The following GLIS3 variants were observed in gnomAD, a reference collection of about 807,000 sequenced individuals.
GLIS3 encodes the protein GLIS family zinc finger 3.
Under a neutral mutation model 78.6 loss-of-function variants are expected in GLIS3, and 53 were observed. That is an observed-to-expected ratio of 0.67 (90% CI 0.54 to 0.85). The LOEUF (loss-of-function observed/expected upper bound fraction) is 0.85, where lower values mean the gene tolerates loss of function less well. GLIS3 is among the 40% of genes least tolerant of loss of function. The probability of loss-of-function intolerance (pLI) is 0.00; values close to 1 mark genes in which losing one functional copy is unlikely to be tolerated. For synonymous variants in GLIS3, 684 were observed against 509.9 expected, an observed-to-expected ratio of 1.34 and a Z score of -4.60; for missense variants, 1,703 against 1,231.1, an observed-to-expected ratio of 1.38 and a Z score of -5.74.
the GLIS3 span, among the ~76,000 whole-genome samples, chr9:4,407,841 G>A: frequency 6.6e-6 from 1 of 151,968 alleles, no homozygotes; most frequent in African/African-American, 2.4e-5. Flanking sequence ...CGCAGAATGA[G>A]AGAAAGTATT....
chr9:3,949,145 A>C (rs1816499914), intron 4 of GLIS3, among the ~76,000 whole-genome samples: 1 of 152,238 alleles, frequency 6.6e-6, no homozygotes, highest in Non-Finnish European at 1.5e-5. Context: ...GAAAAAGAAC[A>C]TGTCTCAGAA....
Position 3,898,792 on chromosome 9 carries a change from C to A in GLIS3, c.2027G>T (p.Cys676Phe), listed in dbSNP as rs149983395. Residue 676 changes from cysteine to phenylalanine, a missense_variant, in exon 7 of 11, where the codon TGC becomes TTC. By Grantham distance (205) the Cys-to-Phe change is radical. Coordinates refer to ENST00000381971, the MANE Select transcript of GLIS3 (RefSeq NM_001042413.2). ...TELHPDLLTD[C>F]LTVQSLQPAT... ...CGGCTGCAGGGACTGCACGGTGAGG[C>A]AATCTGTGAGCAGGTCTGGATGGAG... The A allele has an allele frequency of 2.7e-4, 436 of 1,614,152 alleles. No individual in the cohort carries two copies. Among genetic ancestry groups the A allele is most frequent in the Non-Finnish European group, 3.6e-4 (422 of 1,180,032 alleles).
At chr9:4,019,783 A>G (rs901062024) in intron 4 of GLIS3, among the ~76,000 whole-genome samples, 2 of 152,100 alleles carry the variant, frequency 1.3e-5, no homozygotes, top group African/African-American at 4.8e-5. Flanking sequence ...CCCAGGCTAG[A>G]GTGCAGTGGG....
At chr9:3,839,034 T>C (rs1190950813) in intron 9 of GLIS3, among the ~76,000 whole-genome samples, 3 of 152,218 alleles carry the variant, frequency 2.0e-5, no homozygotes, top group African/African-American at 7.2e-5. Flanking sequence ...GCCCAGGGAA[T>C]CATACACTCA....
chr9:4,044,705 ACTGCT>A (rs1390442625), intron 4 of GLIS3, among the ~76,000 whole-genome samples: 1 of 152,174 alleles, frequency 6.6e-6, no homozygotes, highest in African/African-American at 2.4e-5. Context: ...ACTGAGGGTG[ACTGCT>A]CACAGTACTG....
At chr9:4,408,970 A>C in the GLIS3 span, among the ~76,000 whole-genome samples, 2 of 151,700 alleles carry the variant, frequency 1.3e-5, no homozygotes, top group African/African-American at 4.9e-5. Context: ...ACATACACCC[A>C]CTATGTACCC....
intron 7 of GLIS3, among the ~76,000 whole-genome samples, chr9:3,891,629 G>A (rs1019724381): frequency 3.9e-5 from 6 of 152,148 alleles, no homozygotes; most frequent in Non-Finnish European, 1.5e-5. Flanking sequence ...TTGAGCCCAG[G>A]GGTTCAAGGT....
At chr9:4,082,804 A>G (rs371301001) in intron 4 of GLIS3, among the ~76,000 whole-genome samples, 5 of 152,358 alleles carry the variant, frequency 3.3e-5, no homozygotes, top group African/African-American at 1.2e-4. Flanking sequence ...GACATACTAA[A>G]GTAGTTCTAA....
chr9:4,188,673 A>G (rs1398302332), intron 2 of GLIS3, among the ~76,000 whole-genome samples: 5 of 152,110 alleles, frequency 3.3e-5, no homozygotes, highest in African/African-American at 1.2e-4. Flanking sequence ...TCAATTTCAG[A>G]GCCTGTTATT....
intron 2 of GLIS3, among the ~76,000 whole-genome samples, chr9:4,176,807 A>C (rs1324409873): frequency 6.6e-6 from 1 of 152,208 alleles, no homozygotes; most frequent in Non-Finnish European, 1.5e-5. Context: ...TATTTTTAGT[A>C]GACATGGGGT....
intron 8 of GLIS3, among the ~76,000 whole-genome samples, chr9:3,872,645 T>C (rs59730064): frequency 6.6e-6 from 1 of 152,084 alleles, no homozygotes; most frequent in Admixed American, 6.6e-5. Flanking sequence ...ACCATCCCGA[T>C]GATTCAATTA....
At chr9:4,400,449 C>T in the GLIS3 span, among the ~76,000 whole-genome samples, 3 of 152,194 alleles carry the variant, frequency 2.0e-5, no homozygotes, top group South Asian at 2.1e-4. Context: ...GATTATGAGA[C>T]ATGAGTTATG....
At chr9:4,275,933 T>C (rs775798184) in intron 2 of GLIS3, among the ~76,000 whole-genome samples, 1 of 152,150 alleles carries the variant, frequency 6.6e-6, no homozygotes, top group Non-Finnish European at 1.5e-5. Flanking sequence ...TGAAAGTTTG[T>C]GAACTACAAA....
At chr9:4,442,262 T>C in the GLIS3 span, among the ~76,000 whole-genome samples, 2 of 152,260 alleles carry the variant, frequency 1.3e-5, no homozygotes, top group African/African-American at 4.8e-5. Context: ...TTGTCTGTTA[T>C]GATCCTCTGT....
At chr9:3,897,441 A>G (rs935866575) in intron 7 of GLIS3, among the ~76,000 whole-genome samples, 5 of 144,066 alleles carry the variant, frequency 3.5e-5, no homozygotes, top group African/African-American at 1.2e-4. Context: ...TTTCATATAT[A>G]TATATATATT....
Position 3,932,340 on chromosome 9 carries a change from A to T in GLIS3, c.1983+20T>A, listed in dbSNP as rs748664098. The T allele has an allele frequency of 1.5e-5, 24 of 1,564,490 alleles. No individual in the cohort carries two copies. The South Asian group carries it at 2.7e-4, about 17-fold the overall frequency. The stretch of plus-strand genomic sequence containing the variant: ...TCTGAACATGCTTTTCCCGACTGGA[A>T]GATTCTCTTTTAAAATTACCTTTTT... On this transcript the variant is annotated intron_variant, in intron 6 of 10. Transcript: ENST00000381971.
intron 9 of GLIS3, among the ~76,000 whole-genome samples, chr9:3,841,975 C>T (rs1027443680): frequency 2.0e-5 from 3 of 152,180 alleles, no homozygotes; most frequent in Non-Finnish European, 4.4e-5. Context: ...GGACCTAAAA[C>T]AGAACAAGGG....
intron 2 of GLIS3, among the ~76,000 whole-genome samples, chr9:4,252,455 C>G (rs1165540631): frequency 6.6e-6 from 1 of 152,034 alleles, no homozygotes; most frequent in African/African-American, 2.4e-5. Flanking sequence ...TCAGTTCCAT[C>G]AGGTCATTTA....
At chr9:4,306,475 G>A (rs2130508897) in intron 4 of GLIS3, among the ~76,000 whole-genome samples, 1 of 152,334 alleles carries the variant, frequency 6.6e-6, no homozygotes, top group South Asian at 2.1e-4. Flanking sequence ...TCAGACAACT[G>A]CCTCGAACAG....
Sources: allele counts gnomAD v4.1 joint callset (sites outside exome capture counted in the v4.1 genomes callset), GRCh38; gene constraint gnomAD v4.1.1; transcripts MANE v1.5; gene names NCBI Gene and HGNC (gene_info 2026-07-23, HGNC 2026-07-21).